The following KCNN2 variants were observed in gnomAD, a reference collection of about 807,000 sequenced individuals.
The protein encoded by KCNN2 is small conductance calcium-activated potassium channel protein 2.
KCNN2 carries 24 observed loss-of-function variants against 55.5 expected under a neutral mutation model. The observed-to-expected ratio is 0.43, with a 90% CI of 0.31 to 0.61. The LOEUF (loss-of-function observed/expected upper bound fraction) is 0.61. KCNN2 is among the 20% of genes least tolerant of loss of function. KCNN2 has a pLI of 0.08. For missense variants in KCNN2, 754 were observed against 853.6 expected (o/e 0.88, Z 1.45); for synonymous variants, 431 against 336.1 (o/e 1.28, Z -3.09).
At chr5:114,142,078 T>G (rs62382860) in intron 1 of KCNN2, among the ~76,000 whole-genome samples, 19,752 of 152,140 alleles carry the variant, frequency 0.13, 1,665 homozygotes, top group African/African-American at 0.24. Flanking sequence ...CCATTCTGTA[T>G]GTTGCCAGTT....
chr5:114,350,622 A>G (rs1757189931), intron 2 of KCNN2, among the ~76,000 whole-genome samples: 2 of 151,800 alleles, frequency 1.3e-5, no homozygotes, highest in Admixed American at 1.3e-4. Flanking sequence ...ATTTTGAGTT[A>G]ATTTGTTTGC....
chr5:114,232,630 G>T (rs1409292900), intron 2 of KCNN2, among the ~76,000 whole-genome samples: 2 of 148,428 alleles, frequency 1.3e-5, no homozygotes, highest in East Asian at 3.9e-4. Context: ...ATCTTTTGAT[G>T]ATCTCTTTTT....
At chr5:114,187,506 CTT>C (rs34325633) in intron 1 of KCNN2, among the ~76,000 whole-genome samples, 70 of 126,562 alleles carry the variant, frequency 5.5e-4, no homozygotes, top group East Asian at 1.5e-3. Flanking sequence ...GTATCTCTGG[CTT>C]TTTTTTTTTT....
At chr5:114,160,702 T>A (rs1423098088) in intron 1 of KCNN2, among the ~76,000 whole-genome samples, 4 of 152,186 alleles carry the variant, frequency 2.6e-5, no homozygotes, top group Non-Finnish European at 4.4e-5. Flanking sequence ...ATTGGGTGCA[T>A]ATATATTTAG....
At chr5:114,373,657 T>TATATATATATATATATATATATATATAC (rs1175218618) in intron 2 of KCNN2, among the ~76,000 whole-genome samples, 1 of 117,626 alleles carries the variant, frequency 8.5e-6, no homozygotes, top group African/African-American at 3.0e-5. Flanking sequence ...TATATATATA[T>TATATATATATATATATATATATATATAC]AAAATTACTT....
At chr5:114,171,645 T>C (rs1753035321) in intron 1 of KCNN2, among the ~76,000 whole-genome samples, 2 of 150,228 alleles carry the variant, frequency 1.3e-5, no homozygotes, top group Non-Finnish European at 3.0e-5. Flanking sequence ...TTATTTAAAA[T>C]TGTGGAATTC....
intron 3 of KCNN2, among the ~76,000 whole-genome samples, chr5:114,409,290 G>C (rs1759046782): frequency 6.6e-6 from 1 of 152,082 alleles, no homozygotes; most frequent in African/African-American, 2.4e-5. Context: ...TTCCCATTTT[G>C]CTGCACAAAT....
chr5:114,392,442 C>T (rs78003125), intron 2 of KCNN2, among the ~76,000 whole-genome samples: 2 of 152,086 alleles, frequency 1.3e-5, no homozygotes, highest in Non-Finnish European at 2.9e-5. Context: ...CATTCCTCCT[C>T]CTGGGTGGCC....
chr5:114,122,296 T>A (rs996698304), intron 1 of KCNN2, among the ~76,000 whole-genome samples: 3 of 152,136 alleles, frequency 2.0e-5, no homozygotes, highest in African/African-American at 7.2e-5. Flanking sequence ...CAGAAGGCAG[T>A]ATGAAAGAGC....
chr5:114,146,812 C>G (rs1250991218), intron 1 of KCNN2, among the ~76,000 whole-genome samples: 2 of 152,076 alleles, frequency 1.3e-5, no homozygotes, highest in African/African-American at 4.8e-5. Flanking sequence ...GCTAGAGAAA[C>G]TAGAATATCA....
chr5:114,135,091 G>A (rs1395722153), intron 1 of KCNN2, among the ~76,000 whole-genome samples: 1 of 152,112 alleles, frequency 6.6e-6, no homozygotes, highest in Non-Finnish European at 1.5e-5. Flanking sequence ...AGCATTTTAA[G>A]AATAAGACAA....
At chr5:114,365,733 T>G (rs1320731474) in intron 2 of KCNN2, among the ~76,000 whole-genome samples, 2 of 152,254 alleles carry the variant, frequency 1.3e-5, no homozygotes, top group East Asian at 3.8e-4. Context: ...TCAGTTAAAC[T>G]TAAAAGATCA....
chr5:114,327,934 A>T (rs1756742445), intron 2 of KCNN2, among the ~76,000 whole-genome samples: 1 of 152,220 alleles, frequency 6.6e-6, no homozygotes, highest in African/African-American at 2.4e-5. Flanking sequence ...TGTGCTTGAC[A>T]TATTTATGCT....
chr5:114,170,953 A>G (rs974733032), intron 1 of KCNN2, among the ~76,000 whole-genome samples: 4 of 152,044 alleles, frequency 2.6e-5, no homozygotes, highest in African/African-American at 4.8e-5. Flanking sequence ...TTTTTATCAT[A>G]TAGGTACTGT....
At chr5:114,436,375 T>G (rs780717692) in intron 3 of KCNN2, among the ~76,000 whole-genome samples, 5 of 152,260 alleles carry the variant, frequency 3.3e-5, no homozygotes, top group Non-Finnish European at 5.9e-5. Flanking sequence ...TCAGTTCAAC[T>G]GATTCTTTTT....
intron 6 of KCNN2, among the ~76,000 whole-genome samples, chr5:114,491,720 T>A (rs2150141535): frequency 6.6e-6 from 1 of 152,226 alleles, no homozygotes; most frequent in Admixed American, 6.5e-5. Context: ...AACATTTCTC[T>A]AATCTAACAC....
At chr5:114,456,995 T>C (rs1450993303) in intron 3 of KCNN2, among the ~76,000 whole-genome samples, 2 of 152,218 alleles carry the variant, frequency 1.3e-5, no homozygotes, top group East Asian at 1.9e-4. Flanking sequence ...ACAAAGACTT[T>C]AGAAAATACA....
At chr5:114,175,043 G>C (rs554022535) in intron 1 of KCNN2, among the ~76,000 whole-genome samples, 1 of 152,116 alleles carries the variant, frequency 6.6e-6, no homozygotes, top group African/African-American at 2.4e-5. Flanking sequence ...CTATTTATTT[G>C]CTGGGCTGTT....
chr5:114,482,305 C>G (rs1762263373), intron 5 of KCNN2, among the ~76,000 whole-genome samples: 1 of 152,152 alleles, frequency 6.6e-6, no homozygotes. Context: ...TAGAGAAATG[C>G]AAATCGGAAA....
Sources: gnomAD v4.1 joint callset for allele counts (sites outside exome capture counted in the v4.1 genomes callset) on GRCh38, gnomAD v4.1.1 for gene constraint, MANE v1.5 for transcripts, NCBI Gene and HGNC (gene_info 2026-07-23, HGNC 2026-07-21) for gene names.